The following ZNF804B variants were observed in gnomAD, a reference collection of about 807,000 sequenced individuals.
The protein encoded by ZNF804B is zinc finger 804B.
In ZNF804B, 80 loss-of-function variants were observed where a neutral mutation model predicts 101.4. That is an observed-to-expected ratio of 0.79 (90% confidence interval 0.66 to 0.95). The LOEUF (loss-of-function observed/expected upper bound fraction) is 0.95. Ranked by LOEUF, ZNF804B falls within the 40% of genes least tolerant of loss-of-function variation. The pLI is 0.00. For synonymous variants in ZNF804B, 622 were observed against 558.8 expected, an observed-to-expected ratio of 1.11 and a Z score of -1.59; for missense variants, 1,673 against 1,561.9, an observed-to-expected ratio of 1.07 and a Z score of -1.20.
intron 1 of ZNF804B, among the ~76,000 whole-genome samples, chr7:88,910,694 C>T (rs1268365699): frequency 1.3e-5 from 2 of 151,898 alleles, no homozygotes; most frequent in Non-Finnish European, 2.9e-5. Context: ...TTCATCTGCT[C>T]TCTACCTTAA....
chr7:89,258,699 A>G (rs1789670331), intron 2 of ZNF804B, among the ~76,000 whole-genome samples: 2 of 152,184 alleles, frequency 1.3e-5, no homozygotes, highest in Non-Finnish European at 1.5e-5. Context: ...CTTAACAATA[A>G]CATAAACAGT....
At chr7:88,811,439 T>C (rs1562800398) in intron 1 of ZNF804B, among the ~76,000 whole-genome samples, 1 of 152,130 alleles carries the variant, frequency 6.6e-6, no homozygotes. Context: ...CCAAGAACCA[T>C]AAATACCATT....
intron 1 of ZNF804B, among the ~76,000 whole-genome samples, chr7:88,830,751 C>T (rs553382784): frequency 2.6e-5 from 4 of 151,916 alleles, no homozygotes; most frequent in African/African-American, 9.6e-5. Flanking sequence ...TGTGTGGGTG[C>T]ATATGTGTGT....
intron 1 of ZNF804B, among the ~76,000 whole-genome samples, chr7:89,029,664 C>T (rs914193240): frequency 6.6e-5 from 10 of 152,186 alleles, no homozygotes; most frequent in East Asian, 1.9e-4. Flanking sequence ...ACTTCATCAG[C>T]GGGGTCATTA....
intron 1 of ZNF804B, among the ~76,000 whole-genome samples, chr7:88,773,300 G>A (rs1226850981): frequency 6.6e-6 from 1 of 152,188 alleles, no homozygotes; most frequent in Non-Finnish European, 1.5e-5. Context: ...GCAGGAATTA[G>A]CAGTATGTGT....
At chr7:89,325,065 C>A (rs1790878504) in intron 2 of ZNF804B, among the ~76,000 whole-genome samples, 1 of 151,830 alleles carries the variant, frequency 6.6e-6, no homozygotes, top group African/African-American at 2.4e-5. Flanking sequence ...CTATTCCTGG[C>A]TTTATATGAA....
At chr7:88,844,663 G>C (rs576043635) in intron 1 of ZNF804B, among the ~76,000 whole-genome samples, 4 of 152,156 alleles carry the variant, frequency 2.6e-5, no homozygotes, top group Non-Finnish European at 4.4e-5. Context: ...TGGGAATTCA[G>C]GTGGCTGCAG....
At chr7:89,141,951 T>C (rs1220481413) in intron 1 of ZNF804B, among the ~76,000 whole-genome samples, 3 of 151,742 alleles carry the variant, frequency 2.0e-5, no homozygotes, top group East Asian at 3.9e-4. Flanking sequence ...AAGTTCAAGA[T>C]AGTTTTGTAA....
At chr7:89,059,184 A>G (rs1228855734) in intron 1 of ZNF804B, among the ~76,000 whole-genome samples, 1 of 152,218 alleles carries the variant, frequency 6.6e-6, no homozygotes, top group African/African-American at 2.4e-5. Flanking sequence ...AGTTGTATGC[A>G]GGATGGTTGC....
At chr7:88,845,034 CCTT>C (rs769474189) in intron 1 of ZNF804B, among the ~76,000 whole-genome samples, 7 of 152,166 alleles carry the variant, frequency 4.6e-5, no homozygotes, top group Non-Finnish European at 8.8e-5. Flanking sequence ...TTAGTTTCCT[CCTT>C]CTTTCCAATC....
chr7:89,108,392 C>G (rs753370202), intron 1 of ZNF804B, among the ~76,000 whole-genome samples: 1 of 152,014 alleles, frequency 6.6e-6, no homozygotes, highest in Non-Finnish European at 1.5e-5. Context: ...TAATGAAAGA[C>G]AGATCATGAC....
chr7:89,193,311 T>G (rs982010490), intron 1 of ZNF804B, among the ~76,000 whole-genome samples: 1 of 151,858 alleles, frequency 6.6e-6, no homozygotes, highest in African/African-American at 2.4e-5. Flanking sequence ...TCTTTATTTT[T>G]TTTTATTCGT....
intron 1 of ZNF804B, among the ~76,000 whole-genome samples, chr7:89,112,579 G>T (rs893355863): frequency 6.6e-6 from 1 of 152,038 alleles, no homozygotes; most frequent in Non-Finnish European, 1.5e-5. Flanking sequence ...TTCTTTTTAT[G>T]TAATTTTGTG....
intron 1 of ZNF804B, among the ~76,000 whole-genome samples, chr7:89,133,163 G>C (rs936061692): frequency 6.6e-6 from 1 of 152,034 alleles, no homozygotes; most frequent in South Asian, 2.1e-4. Flanking sequence ...GCTGGAGGCT[G>C]TTGGAATACT....
chr7:89,211,147 A>G (rs962824684), intron 1 of ZNF804B, among the ~76,000 whole-genome samples: 1 of 152,114 alleles, frequency 6.6e-6, no homozygotes, highest in Non-Finnish European at 1.5e-5. Context: ...TCTTCTTTTG[A>G]GGAGTGTCTG....
intron 1 of ZNF804B, among the ~76,000 whole-genome samples, chr7:88,831,620 G>T (rs2115783661): frequency 6.6e-6 from 1 of 151,762 alleles, no homozygotes; most frequent in East Asian, 1.9e-4. Flanking sequence ...TTTGAGAATG[G>T]ATAATTCTTG....
At chr7:89,009,509 G>A (rs1788420871) in intron 1 of ZNF804B, among the ~76,000 whole-genome samples, 1 of 152,098 alleles carries the variant, frequency 6.6e-6, no homozygotes, top group Admixed American at 6.6e-5. Context: ...ATGTGCAATG[G>A]ACTGAATGTT....
At chr7:88,829,109 A>G (rs1429400664) in intron 1 of ZNF804B, among the ~76,000 whole-genome samples, 3 of 152,100 alleles carry the variant, frequency 2.0e-5, no homozygotes, top group Non-Finnish European at 4.4e-5. Flanking sequence ...TTTTAAGACA[A>G]GATCTCTCTC....
In ZNF804B at chr7:89,028,286, TAGAA is replaced by T. The variant is rs570214698; in HGVS notation, c.109-189866_109-189863del. Among the ~76,000 whole-genome samples, 45 of 152,262 alleles carry T rather than the reference TAGAA, an allele frequency of 3.0e-4. No homozygotes were observed. In the South Asian group the frequency reaches 8.9e-3, roughly 30 times the overall value. ...ACAGCAACTTGATTAGCTTGTGAAA[TAGAA>T]AGCAGTCATATGAAAAGAGTGAGCA... On this transcript the variant is annotated intron_variant, in intron 1 of 3. Transcript: ENST00000333190.
Sources: gnomAD v4.1 joint callset for allele counts (sites outside exome capture counted in the v4.1 genomes callset) on GRCh38, gnomAD v4.1.1 for gene constraint, MANE v1.5 for transcripts, NCBI Gene and HGNC (gene_info 2026-07-23, HGNC 2026-07-21) for gene names.